Variants in ZNF396 observed in about 807,000 individuals in gnomAD.
ZNF396 encodes zinc finger protein 396.
In ZNF396, 14 loss-of-function variants were observed where a neutral mutation model predicts 20.5. The observed-to-expected ratio is 0.68, with a 90% CI of 0.45 to 1.07. The LOEUF (loss-of-function observed/expected upper bound fraction) is 1.07. Among genes scored for constraint, ZNF396 ranks in the 50% least tolerant of loss-of-function variants. The pLI is 0.00. For missense variants in ZNF396, 347 were observed against 390.1 expected (o/e 0.89, Z 0.93); for synonymous variants, 119 against 140.6 (o/e 0.85, Z 1.08).
Position 35,374,969 on chromosome 18 carries a change from T to A in ZNF396, c.-72-605A>T, listed in dbSNP as rs1338037040. The stretch of plus-strand genomic sequence containing the variant: ...CATAGAAGCTCCCAGATAATGGAAA[T>A]AAGGGAAGCCTGAGAAATGCTCTAA... On this transcript the variant is annotated intron_variant, in intron 1 of 3. Transcript: ENST00000589332. The surrounding 1 kb of genome is among the most constrained non-coding windows in gnomAD (Gnocchi z 4.3). The A allele has an allele frequency of 6.6e-6, 1 of 152,052 alleles. No individual in the cohort carries two copies. The highest frequency in any genetic ancestry group is 1.5e-5 in the Non-Finnish European group (1 of 68,028). The allele number at this position is 152,052 out of a possible 1,614,324, so 9.4% of individuals were successfully genotyped here. A position where few individuals can be genotyped will look rare whatever the true frequency, so the allele number is the denominator to read the frequency against.
intron 1 of ZNF396, among the ~76,000 whole-genome samples, chr18:35,375,347 T>C (rs995606489): frequency 1.7e-4 from 26 of 151,846 alleles, no homozygotes; most frequent in Admixed American, 1.6e-3. Flanking sequence ...CATCTGAATG[T>C]ATTTCTATTT....
Position 35,369,138 on chromosome 18 carries a change from C to T in ZNF396, c.*77G>A. 5 of 1,463,534 alleles carry T rather than the reference C, an allele frequency of 3.4e-6. No individual in the cohort carries two copies. The highest frequency in any genetic ancestry group is 4.5e-6 in the Non-Finnish European group (5 of 1,110,218). The allele number at this position is 1,463,534 out of a possible 1,614,324, so 90.7% of individuals were successfully genotyped here. ...TGCTTACTAAGACCACTGATTTGTA[C>T]TAAGGAGCGTTTGCATCTGGTGTCT... On this transcript the variant is annotated 3_prime_UTR_variant, in exon 4 of 4. Coordinates refer to ENST00000589332, the MANE Select transcript of ZNF396 (RefSeq NM_001322286.2).
chr18:35,373,085 C>T lies in ZNF396; in HGVS notation c.562+371G>A, dbSNP rs2045204670. ...AATATAGGCGATTCTGCTACGAGAT[C>T]CCACCAGTAACTGAGCAGTTATATA... On this transcript the variant is annotated intron_variant, in intron 3 of 3. Transcript: ENST00000589332. The T allele has an allele frequency of 4.3e-5, 11 of 256,124 alleles. No individual in the cohort carries two copies. The South Asian group carries it at 1.8e-3, about 43-fold the overall frequency. The allele number at this position is 256,124 out of a possible 1,614,324, so 15.9% of individuals were successfully genotyped here.
At chr18:35,375,147 T>A (rs964908076) in intron 1 of ZNF396, among the ~76,000 whole-genome samples, 33 of 151,264 alleles carry the variant, frequency 2.2e-4, no homozygotes, top group Admixed American at 1.3e-3. Flanking sequence ...AAAAAAAAAA[T>A]AAACCAATCA....
rs750898040 is a variant in ZNF396 at position 35,374,165 on chromosome 18, C to A, written c.128G>T (p.Ser43Ile). Residue 43 changes from serine to isoleucine, a missense_variant, in exon 2 of 4, where the codon AGC (serine) becomes ATC (isoleucine). Physicochemically the swap from Ser to Ile is moderately radical, Grantham distance 142 (BLOSUM62 -2). Coordinates refer to ENST00000589332, the MANE Select transcript of ZNF396 (RefSeq NM_001322286.2). This position sits in a 1 kb window ranked among gnomAD's most constrained non-coding sequence, Gnocchi z 4.3. ...TCDPDSSLHWSSSYSPETFRQ... is the reference protein window; with the variant it reads ...TCDPDSSLHWISSYSPETFRQ... ...GAAGGTCTCTGGGCTGTAGCTGCTG[C>A]TCCAGTGGAGGCTAGAGTCTGGATC... is the stretch of plus-strand genomic sequence containing the variant. 16 of 1,614,134 alleles carry A rather than the reference C, an allele frequency of 9.9e-6. No homozygotes were observed. The highest frequency in any genetic ancestry group is 8.5e-7 in the Non-Finnish European group (1 of 1,180,052).
chr18:35,371,586 G>A (rs2045181051), intron 3 of ZNF396, among the ~76,000 whole-genome samples: 1 of 152,178 alleles, frequency 6.6e-6, no homozygotes, highest in South Asian at 2.1e-4. Flanking sequence ...TGAGGGGGCT[G>A]AGCATGCTAA....
At chr18:35,375,931 C>T (rs1300849845) in intron 1 of ZNF396, among the ~76,000 whole-genome samples, 1 of 152,002 alleles carries the variant, frequency 6.6e-6, no homozygotes, top group Non-Finnish European at 1.5e-5. Context: ...TTAGTAGAGA[C>T]GGGGTTTCAC....
intron 3 of ZNF396, chr18:35,372,139 A>C (rs1318996642): frequency 6.6e-6 from 1 of 151,924 alleles, no homozygotes; most frequent in Non-Finnish European, 1.5e-5. Flanking sequence ...AATTTCTACG[A>C]ATCTTAAAAA....
Position 35,369,173 on chromosome 18 carries a change from C to A in ZNF396, c.*42G>T. The stretch of plus-strand genomic sequence containing the variant: ...TTTGCATCTGGTGTCTTCCCTTGTG[C>A]TGAAATAGCTCTGAGTAAATGCTTT... On this transcript the variant is annotated 3_prime_UTR_variant, in exon 4 of 4. Transcript: ENST00000589332. 1 of 1,484,910 alleles carries A rather than the reference C, an allele frequency of 6.7e-7. No individual in the cohort carries two copies. The highest frequency in any genetic ancestry group is 8.9e-7 in the Non-Finnish European group (1 of 1,119,696). 92.0% of individuals were successfully genotyped at this position (1,484,910 alleles called of 1,614,324 possible).
intron 3 of ZNF396, 55 bp downstream of exon 3, chr18:35,373,401 T>G: frequency 6.3e-7 from 1 of 1,576,816 alleles, no homozygotes; most frequent in Non-Finnish European, 8.6e-7. Context: ...GAGATGTGTG[T>G]GGTGAGCAGA....
At chr18:35,377,204 G>GT (rs139786327) in intron 1 of ZNF396, 74 bp downstream of exon 1, 12,862 of 152,686 alleles carry the variant, frequency 0.084, 1,791 homozygotes, top group African/African-American at 0.29. Flanking sequence ...GCCTCTCCGC[G>GT]TCCCCCTTCC....
rs145740578 is a variant in ZNF396 at position 35,369,442 on chromosome 18, T to C, written c.781A>G (p.Ser261Gly). ...QKCDECGKIF[S>G]QSSALILHQR... ...TGTAAAATAAGGGCTGAGCTCTGAC[T>C]AAAGATTTTGCCACATTCATCACAT... The change falls in exon 4 of 4, where the codon AGT becomes GGT. Residue 261 changes from serine (S) to glycine (G), a missense_variant. By Grantham distance (56) the Ser-to-Gly change is moderately conservative. Transcript: ENST00000589332. 8.7e-6 allele frequency: 14 copies of C among 1,614,140 alleles called. No homozygotes were observed. The African/African-American group carries it at 1.9e-4, about 22-fold the overall frequency.
intron 1 of ZNF396, among the ~76,000 whole-genome samples, 192 bp downstream of exon 1, chr18:35,377,086 T>C (rs929006859): frequency 6.6e-6 from 1 of 151,362 alleles, no homozygotes; most frequent in Non-Finnish European, 1.5e-5. Context: ...GGGGAAGGGG[T>C]GCGCGGACTC....
rs1353535285 is a variant in ZNF396, at chr18:35,368,738, C to G, written c.*477G>C. On this transcript the variant is annotated 3_prime_UTR_variant, in exon 4 of 4. Coordinates refer to ENST00000589332, the MANE Select transcript of ZNF396 (RefSeq NM_001322286.2). ...AAGTGCTAGGATTACAGGCATGAGC[C>G]AACCGCACCCAGCCAGGAATTCTTT... 7.1e-6 allele frequency: 7 copies of G among 989,348 alleles called. No homozygotes were observed. Among genetic ancestry groups the G allele is most frequent in the Non-Finnish European group, 8.4e-6 (7 of 832,932 alleles). The allele number at this position is 989,348 out of a possible 1,614,324, so 61.3% of individuals were successfully genotyped here. A position where few individuals can be genotyped will look rare whatever the true frequency, so the allele number is the denominator to read the frequency against.
In ZNF396 at chr18:35,369,187, A is replaced by G; in HGVS notation, c.*28T>C. ...CTTCCCTTGTGCTGAAATAGCTCTG[A>G]GTAAATGCTTTGATTCCCTCATGAT... On this transcript the variant is annotated 3_prime_UTR_variant, in exon 4 of 4. Transcript: ENST00000589332. 6.6e-7 allele frequency: 1 copy of G among 1,510,032 alleles called. No individual in the cohort carries two copies. The highest frequency in any genetic ancestry group is 2.4e-5 in the East Asian group (1 of 41,316). 93.5% of individuals were successfully genotyped at this position (1,510,032 alleles called of 1,614,324 possible). A position where few individuals can be genotyped will look rare whatever the true frequency, so the allele number is the denominator to read the frequency against.
At position 35,374,320 on chromosome 18, in the gene ZNF396, T is replaced by A; in HGVS notation, c.-28A>T. On this transcript the variant is annotated 5_prime_UTR_variant, in exon 2 of 4. Transcript: ENST00000589332. The surrounding 1 kb of genome is among the most constrained non-coding windows in gnomAD (Gnocchi z 4.3). ...TGACAGACAAATAGCTCAGTACTGT[T>A]AGGCTTTAATCCTCAAGGAGGTGAA... The A allele has an allele frequency of 6.3e-7, 1 of 1,597,750 alleles. No homozygotes were observed.
chr18:35,368,582 G>T lies in ZNF396; in HGVS notation c.*633C>A. On this transcript the variant is annotated 3_prime_UTR_variant, in exon 4 of 4. Coordinates refer to ENST00000589332, the MANE Select transcript of ZNF396 (RefSeq NM_001322286.2). ...TTTTCCTGCCTCAGCCTCCCTAGTA[G>T]CTGGGATTACAGGTACACGTTGCCA... The T allele has an allele frequency of 2.2e-6, 1 of 461,102 alleles. No homozygotes were observed. Among genetic ancestry groups the T allele is most frequent in the Non-Finnish European group, 3.0e-6 (1 of 337,994 alleles). The allele number at this position is 461,102 out of a possible 1,614,324, so 28.6% of individuals were successfully genotyped here.
chr18:35,375,915 A>T (rs2045251155), intron 1 of ZNF396, among the ~76,000 whole-genome samples: 1 of 151,914 alleles, frequency 6.6e-6, no homozygotes, highest in African/African-American at 2.4e-5. Context: ...GCTAATTTTT[A>T]TAATTTTAGT....
chr18:35,372,934 T>C (rs1045414202), intron 3 of ZNF396: 1 of 153,524 alleles, frequency 6.5e-6, no homozygotes, highest in African/African-American at 2.4e-5. Flanking sequence ...GAAGAATAGA[T>C]TGCTACACAG....
Sources: allele counts gnomAD v4.1 joint callset (sites outside exome capture counted in the v4.1 genomes callset), GRCh38; gene constraint gnomAD v4.1.1; non-coding constraint Gnocchi (gnomAD v3.1); transcripts MANE v1.5; gene names NCBI Gene and HGNC (gene_info 2026-07-23, HGNC 2026-07-21).